The following ANKRD30BL variants were observed in gnomAD, a reference collection of about 807,000 sequenced individuals.
ANKRD30BL encodes the protein putative ankyrin repeat domain-containing protein 30B-like.
Under a neutral mutation model 18.4 loss-of-function variants are expected in ANKRD30BL, and 20 were observed. That is an observed-to-expected ratio of 1.09 (90% CI 0.77 to 1.58). The LOEUF (loss-of-function observed/expected upper bound fraction) is 1.58, where lower values mean the gene tolerates loss of function less well. Among genes scored for constraint, ANKRD30BL ranks in the 40% most tolerant of loss-of-function variants. ANKRD30BL has a pLI of 0.00. For missense variants in ANKRD30BL, 224 were observed against 268.6 expected, an observed-to-expected ratio of 0.83 and a Z score of 1.16; for synonymous variants, 72 against 100.9, an observed-to-expected ratio of 0.71 and a Z score of 1.72.
chr2:132,187,566 G>A (rs1333311262), intron 1 of ANKRD30BL, among the ~76,000 whole-genome samples: 2 of 151,772 alleles, frequency 1.3e-5, no homozygotes, highest in African/African-American at 2.4e-5. Context: ...AGCCCACCTC[G>A]GCCTCCCAAA....
At chr2:132,176,445 T>C (rs1163222761) in intron 1 of ANKRD30BL, among the ~76,000 whole-genome samples, 1 of 152,092 alleles carries the variant, frequency 6.6e-6, no homozygotes, top group East Asian at 1.9e-4. Context: ...GAAGAATCGC[T>C]TGAACCTGGG....
At chr2:132,210,859 C>T (rs1305222393) in intron 1 of ANKRD30BL, among the ~76,000 whole-genome samples, 2 of 123,026 alleles carry the variant, frequency 1.6e-5, no homozygotes, top group Non-Finnish European at 3.5e-5. Context: ...CCCTTTGGGG[C>T]CTATGGTGGA....
At chr2:132,238,729 T>TA (rs1197276674) in intron 1 of ANKRD30BL, among the ~76,000 whole-genome samples, 2 of 151,836 alleles carry the variant, frequency 1.3e-5, no homozygotes, top group East Asian at 1.9e-4. Flanking sequence ...ACTCATTTTT[T>TA]AAAAATCTGC....
intron 1 of ANKRD30BL, among the ~76,000 whole-genome samples, chr2:132,194,308 G>T (rs1385730073): frequency 6.6e-6 from 1 of 152,168 alleles, no homozygotes; most frequent in Non-Finnish European, 1.5e-5. Flanking sequence ...CTGTGGTGGG[G>T]TTAGGAGGTG....
chr2:132,243,209 A>T (rs1323106993), intron 1 of ANKRD30BL, among the ~76,000 whole-genome samples: 1 of 151,606 alleles, frequency 6.6e-6, no homozygotes, highest in African/African-American at 2.4e-5. Flanking sequence ...TCCTTGGTGG[A>T]AAAGGAATTA....
chr2:132,153,657 C>T (rs773653823), intron 4 of ANKRD30BL: 2 of 1,250,252 alleles, frequency 1.6e-6, no homozygotes, highest in Non-Finnish European at 2.2e-6. Flanking sequence ...CCAACTATCT[C>T]TGATGATCCA....
At position 132,148,026 on chromosome 2, in the gene ANKRD30BL, T is replaced by C. The variant is rs550127437; in HGVS notation, c.*105A>G. ...GAGAAGCTGAACATACTGACATATT[T>C]GTTCTTTGATGAGGAACTCAGAACT... On this transcript the variant is annotated 3_prime_UTR_variant, in exon 6 of 6. Coordinates refer to ENST00000409867, the MANE Select transcript of ANKRD30BL (RefSeq NM_001358416.1). 4 of 813,690 alleles carry C rather than the reference T, an allele frequency of 4.9e-6. No homozygotes were observed. The highest frequency in any genetic ancestry group is 8.2e-6 in the Non-Finnish European group (4 of 488,540). 50.4% of individuals were successfully genotyped at this position (813,690 alleles called of 1,614,324 possible).
intron 1 of ANKRD30BL, among the ~76,000 whole-genome samples, chr2:132,221,133 C>T (rs1342348894): frequency 2.0e-5 from 3 of 147,828 alleles, no homozygotes. Context: ...CAGCAGCCAC[C>T]CCGTCTGGGA....
At chr2:132,193,213 T>C (rs1369806269) in intron 1 of ANKRD30BL, among the ~76,000 whole-genome samples, 2 of 152,254 alleles carry the variant, frequency 1.3e-5, no homozygotes, top group East Asian at 1.9e-4. Flanking sequence ...TATGACCATG[T>C]TGGCAGAGAT....
exon 1 of ANKRD30BL, chr2:132,257,956 C>T (rs757962982): frequency 2.6e-5 from 4 of 153,428 alleles, no homozygotes; most frequent in Admixed American, 6.5e-5. Flanking sequence ...GGCCGGCCGG[C>T]GCACGCGTCA....
At chr2:132,257,389 C>T in intron 1 of ANKRD30BL, 1 of 334,302 alleles carries the variant, frequency 3.0e-6, no homozygotes, top group South Asian at 2.2e-5. Flanking sequence ...ACGCAGCCTC[C>T]CAACCGCTAG....
chr2:132,220,325 T>G, intron 1 of ANKRD30BL, among the ~76,000 whole-genome samples: 1 of 38,898 alleles, frequency 2.6e-5, no homozygotes, highest in Admixed American at 4.1e-4. Flanking sequence ...TCCCTCTCCC[T>G]GTCCCTCTCC....
intron 1 of ANKRD30BL, among the ~76,000 whole-genome samples, chr2:132,254,581 G>A (rs977038232): frequency 2.2e-4 from 33 of 152,264 alleles, no homozygotes; most frequent in Admixed American, 1.6e-3. Flanking sequence ...CTCATTCATG[G>A]GGAAAAATTG....
chr2:132,162,137 C>T (rs896931419), upstream of ANKRD30BL, among the ~76,000 whole-genome samples: 2 of 151,982 alleles, frequency 1.3e-5, no homozygotes, highest in African/African-American at 2.4e-5. Context: ...ACAGAGCTGC[C>T]CCTGTCCCCT....
rs1297101924 is a variant in ANKRD30BL at position 132,152,728 on chromosome 2, C to A, written c.615-1752G>T. The stretch of plus-strand genomic sequence containing the variant: ...ATTTCTTCCTGTAACATTATTTCAA[C>A]CTGACTTACAGTTTCAAACGACCAC... On this transcript the variant is annotated intron_variant, in intron 4 of 5. Transcript: ENST00000409867. 4 of 152,112 alleles carry A rather than the reference C, an allele frequency of 2.6e-5. No individual in the cohort carries two copies. In the East Asian group the frequency reaches 5.8e-4, roughly 22 times the overall value. The allele number at this position is 152,112 out of a possible 1,614,324, so 9.4% of individuals were successfully genotyped here. A position where few individuals can be genotyped will look rare whatever the true frequency, so the allele number is the denominator to read the frequency against.
chr2:132,213,869 A>G (rs369988503), intron 1 of ANKRD30BL, among the ~76,000 whole-genome samples: 1 of 152,218 alleles, frequency 6.6e-6, no homozygotes, highest in East Asian at 1.9e-4. Context: ...TGATGTGTGC[A>G]TTCATCTCAC....
intron 1 of ANKRD30BL, among the ~76,000 whole-genome samples, chr2:132,257,304 G>C (rs377147601): frequency 6.7e-6 from 1 of 149,510 alleles, no homozygotes; most frequent in African/African-American, 2.5e-5. Context: ...CTGCTCTGCA[G>C]GGGAGCGGGC....
intron 1 of ANKRD30BL, among the ~76,000 whole-genome samples, chr2:132,225,705 G>T (rs1313354765): frequency 2.0e-5 from 3 of 151,426 alleles, no homozygotes; most frequent in African/African-American, 7.3e-5. Context: ...AAACTTCTTT[G>T]GCTGTGTGCA....
intron 1 of ANKRD30BL, among the ~76,000 whole-genome samples, chr2:132,222,171 A>G (rs1431606892): frequency 7.1e-6 from 1 of 141,466 alleles, no homozygotes; most frequent in Non-Finnish European, 1.5e-5. Context: ...GGAAGTGAGG[A>G]GCCCCTCTGC....
Sources: allele counts gnomAD v4.1 joint callset (sites outside exome capture counted in the v4.1 genomes callset), GRCh38; gene constraint gnomAD v4.1.1; transcripts MANE v1.5; gene names NCBI Gene and HGNC (gene_info 2026-07-23, HGNC 2026-07-21).